NARS2: variants seen among roughly 807,000 people sequenced by gnomAD.
NARS2 encodes asparaginyl-tRNA synthetase.
Under a neutral mutation model 62.9 loss-of-function variants are expected in NARS2, and 60 were observed. The ratio of observed to expected loss-of-function variants is 0.95; its 90% CI spans 0.77 to 1.18. NARS2 has a LOEUF of 1.18. Ranked by LOEUF, NARS2 falls within the 50% of genes most tolerant of loss-of-function variation. The probability of loss-of-function intolerance (pLI) is 0.00; values close to 1 mark genes in which losing one functional copy is unlikely to be tolerated. For synonymous variants in NARS2, 196 were observed against 200.0 expected, an observed-to-expected ratio of 0.98 and a Z score of 0.17; for missense variants, 619 against 576.4, an observed-to-expected ratio of 1.07 and a Z score of -0.76.
chr11:78,472,188 C>T (rs1314004447), intron 9 of NARS2, among the ~76,000 whole-genome samples: 1 of 152,148 alleles, frequency 6.6e-6, no homozygotes, highest in East Asian at 1.9e-4. Context: ...TTAATGGCTT[C>T]CATCAACTCT....
At chr11:78,547,440 G>A (rs1565274887) in intron 5 of NARS2, among the ~76,000 whole-genome samples, 2 of 152,142 alleles carry the variant, frequency 1.3e-5, no homozygotes, top group Non-Finnish European at 2.9e-5. Flanking sequence ...AAAAGAATAG[G>A]TTAAATACAT....
intron 7 of NARS2, among the ~76,000 whole-genome samples, chr11:78,480,160 A>G (rs1051435939): frequency 2.6e-5 from 4 of 152,138 alleles, no homozygotes; most frequent in Non-Finnish European, 5.9e-5. Context: ...TCAGCCTCCC[A>G]TAGTACGAGG....
In NARS2 at chr11:78,467,681, T is replaced by G. The variant is rs979375963; in HGVS notation, c.1026+1566A>C. Among the ~76,000 whole-genome samples the G allele has an allele frequency of 2.0e-5, 3 of 152,144 alleles. No individual in the cohort carries two copies. In the South Asian group the frequency reaches 6.2e-4, roughly 32 times the overall value. On this transcript the variant is annotated intron_variant, in intron 10 of 13. Transcript: ENST00000281038. The stretch of plus-strand genomic sequence containing the variant: ...GGGAATGGGGCAAATGAGGTGATAT[T>G]TGTCAAAGTGTATACACTTTCAGTT...
intron 5 of NARS2, among the ~76,000 whole-genome samples, chr11:78,538,057 T>C (rs1310550654): frequency 6.6e-6 from 1 of 152,182 alleles, no homozygotes; most frequent in African/African-American, 2.4e-5. Flanking sequence ...TCCCACTCCA[T>C]CCTGCCCTGG....
intron 11 of NARS2, among the ~76,000 whole-genome samples, chr11:78,447,549 T>C (rs1857807359): frequency 1.3e-5 from 2 of 152,154 alleles, no homozygotes; most frequent in South Asian, 4.1e-4. Flanking sequence ...ATCTGCACTC[T>C]AATGTTCACT....
intron 5 of NARS2, among the ~76,000 whole-genome samples, chr11:78,541,821 C>T (rs1402811619): frequency 2.0e-5 from 3 of 152,198 alleles, no homozygotes; most frequent in Non-Finnish European, 4.4e-5. Context: ...ATCTCAAATG[C>T]AGTTGCTATC....
chr11:78,471,583 T>C (rs1289524909), intron 9 of NARS2, among the ~76,000 whole-genome samples: 1 of 152,082 alleles, frequency 6.6e-6, no homozygotes, highest in Non-Finnish European at 1.5e-5. Context: ...GTGCACATTG[T>C]GCAGGTTAGT....
At chr11:78,566,356 C>T (rs890843725) in intron 3 of NARS2, 84 bp from the exon 4 acceptor site, 72 of 1,094,388 alleles carry the variant, frequency 6.6e-5, no homozygotes, top group African/African-American at 3.2e-5. Context: ...TCTTAAATAG[C>T]GCTTTGGAAC....
intron 3 of NARS2, among the ~76,000 whole-genome samples, chr11:78,567,742 A>G (rs999454589): frequency 6.6e-6 from 1 of 152,174 alleles, no homozygotes; most frequent in Non-Finnish European, 1.5e-5. Flanking sequence ...ATTTCTTCCT[A>G]TTATACTGAA....
At chr11:78,479,762 C>T (rs10899523) in intron 7 of NARS2, among the ~76,000 whole-genome samples, 50,575 of 152,036 alleles carry the variant, frequency 0.33, 10,843 homozygotes, top group African/African-American at 0.6. Context: ...TGTTGCATAC[C>T]AGTAGATCCT....
chr11:78,488,422 A>G (rs1859671540), intron 7 of NARS2, among the ~76,000 whole-genome samples: 1 of 152,184 alleles, frequency 6.6e-6, no homozygotes, highest in Non-Finnish European at 1.5e-5. Flanking sequence ...TCTGTGAGCC[A>G]AAGAATGCAG....
chr11:78,460,869 A>C (rs183309968), intron 11 of NARS2, among the ~76,000 whole-genome samples: 2 of 152,338 alleles, frequency 1.3e-5, no homozygotes, highest in East Asian at 3.9e-4. Flanking sequence ...AGGAAAAACA[A>C]ATAGATGGTT....
At position 78,473,399 on chromosome 11, in the gene NARS2, C is replaced by T. The variant is rs369442062; in HGVS notation, c.960-4086G>A. ...GGGAATCTAATGCTGTTTGTTATGT[C>T]TGCTGTTCTTGCTCATGGTAGGTAT... On this transcript the variant is annotated intron_variant, in intron 9 of 13. Coordinates refer to ENST00000281038, the MANE Select transcript of NARS2 (RefSeq NM_024678.6). Among the ~76,000 whole-genome samples the T allele has an allele frequency of 6.6e-5, 10 of 152,164 alleles. 1 individual carries two copies. The East Asian group carries it at 1.2e-3, about 18-fold the overall frequency.
At chr11:78,573,177 A>T (rs1207258637) in intron 1 of NARS2, 1 of 152,244 alleles carries the variant, frequency 6.6e-6, no homozygotes, top group Non-Finnish European at 1.5e-5. Flanking sequence ...AAATCACTGC[A>T]ACGGCAAGCC....
At chr11:78,457,441 A>G (rs995956534) in intron 11 of NARS2, among the ~76,000 whole-genome samples, 3 of 152,208 alleles carry the variant, frequency 2.0e-5, no homozygotes, top group African/African-American at 7.2e-5. Flanking sequence ...CATCTGGCCC[A>G]AAGCTTCTTC....
At chr11:78,490,753 C>T (rs1859785789) in intron 7 of NARS2, among the ~76,000 whole-genome samples, 1 of 151,468 alleles carries the variant, frequency 6.6e-6, no homozygotes, top group African/African-American at 2.4e-5. Context: ...AAGAGTGAGA[C>T]CCTGTTTCAA....
chr11:78,563,915 T>C (rs1856653420), intron 4 of NARS2, among the ~76,000 whole-genome samples: 1 of 139,084 alleles, frequency 7.2e-6, no homozygotes, highest in Admixed American at 7.3e-5. Context: ...ATTATTATTA[T>C]TATTGAGATG....
intron 11 of NARS2, among the ~76,000 whole-genome samples, chr11:78,454,594 CTT>C (rs1453394341): frequency 6.6e-6 from 1 of 150,992 alleles, no homozygotes; most frequent in East Asian, 1.9e-4. Flanking sequence ...AAATAAAACT[CTT>C]TGTTTTATAA....
intron 6 of NARS2, among the ~76,000 whole-genome samples, chr11:78,522,916 A>G (rs1861180561): frequency 6.6e-6 from 1 of 152,216 alleles, no homozygotes; most frequent in South Asian, 2.1e-4. Context: ...TCAATAGGCT[A>G]TGCCCATCTG....
Sources: allele counts gnomAD v4.1 joint callset (sites outside exome capture counted in the v4.1 genomes callset), GRCh38; gene constraint gnomAD v4.1.1; transcripts MANE v1.5; gene names NCBI Gene and HGNC (gene_info 2026-07-23, HGNC 2026-07-21).